Variants in KDM2B observed in about 807,000 individuals in gnomAD.
KDM2B encodes the protein lysine demethylase 2B.
Under a neutral mutation model 150.0 loss-of-function variants are expected in KDM2B, and 26 were observed. The ratio of observed to expected loss-of-function variants is 0.17; its 90% CI spans 0.13 to 0.24. KDM2B has a LOEUF of 0.24. Ranked by LOEUF, KDM2B falls within the 10% of genes least tolerant of loss-of-function variation. KDM2B has a pLI of 1.00. For missense variants in KDM2B, 1,265 were observed against 1,816.9 expected, an observed-to-expected ratio of 0.70 and a Z score of 5.52; for synonymous variants, 734 against 729.5, an observed-to-expected ratio of 1.01 and a Z score of -0.10.
chr12:121,502,271 G>A (rs1043210349), intron 11 of KDM2B, among the ~76,000 whole-genome samples: 1 of 152,174 alleles, frequency 6.6e-6, no homozygotes, highest in Admixed American at 6.6e-5. Flanking sequence ...TTCCTCAAGA[G>A]CATTCGGCTG....
intron 4 of KDM2B, among the ~76,000 whole-genome samples, chr12:121,563,743 A>T (rs983519654): frequency 2.0e-5 from 3 of 151,906 alleles, no homozygotes; most frequent in Non-Finnish European, 4.4e-5. Context: ...ACGTGGTGAA[A>T]CTCCGTCTCT....
At chr12:121,445,152 C>T in intron 14 of KDM2B, 123 bp downstream of exon 14, 1 of 1,191,854 alleles carries the variant, frequency 8.4e-7, no homozygotes, top group Non-Finnish European at 1.2e-6. Context: ...CACAGGATCA[C>T]CCAGACTCAG....
chr12:121,428,701 C>A (rs1312106725), downstream of KDM2B, among the ~76,000 whole-genome samples: 1 of 152,154 alleles, frequency 6.6e-6, no homozygotes, highest in Non-Finnish European at 1.5e-5. Flanking sequence ...AAAAAAAATT[C>A]CGTAATCTAA....
intron 11 of KDM2B, among the ~76,000 whole-genome samples, chr12:121,504,978 G>A (rs537178423): frequency 6.6e-5 from 10 of 152,124 alleles, no homozygotes; most frequent in African/African-American, 2.2e-4. Context: ...TTAGCTGGGC[G>A]TTGTGGCAGG....
the KDM2B span, chr12:121,420,873 G>T: frequency 1.1e-6 from 1 of 926,464 alleles, no homozygotes; most frequent in Non-Finnish European, 1.7e-6. Context: ...ATTTATTTTT[G>T]AGAAAGCTGT....
intron 11 of KDM2B, among the ~76,000 whole-genome samples, chr12:121,495,908 G>T (rs1352853314): frequency 4.0e-5 from 6 of 151,678 alleles, no homozygotes; most frequent in African/African-American, 1.2e-4. Context: ...CGGACTGCCA[G>T]GCTGCTTGGC....
At chr12:121,409,527 C>G in the KDM2B span, 1 of 152,192 alleles carries the variant, frequency 6.6e-6, no homozygotes, top group Non-Finnish European at 1.5e-5. Flanking sequence ...TTTGACTGAG[C>G]AGGTCTTAAG....
At chr12:121,569,976 AG>A (rs1890974071) in intron 4 of KDM2B, among the ~76,000 whole-genome samples, 1 of 151,692 alleles carries the variant, frequency 6.6e-6, no homozygotes, top group East Asian at 1.9e-4. Flanking sequence ...CAGCCTCCTG[AG>A]GAGCTGGGAC....
At chr12:121,450,330 GAAAAA>G (rs1328931569) in intron 13 of KDM2B, among the ~76,000 whole-genome samples, 1 of 149,622 alleles carries the variant, frequency 6.7e-6, no homozygotes, top group Non-Finnish European at 1.5e-5. Flanking sequence ...AAAAAAGAAA[GAAAAA>G]AAAGAAAAGA....
chr12:121,444,782 T>C, intron 14 of KDM2B: 1 of 564,946 alleles, frequency 1.8e-6, no homozygotes, highest in Non-Finnish European at 3.2e-6. Flanking sequence ...ACACTCCGTC[T>C]CTGTGGGCTG....
intron 12 of KDM2B, among the ~76,000 whole-genome samples, chr12:121,479,203 A>G (rs1293325438): frequency 6.6e-6 from 1 of 151,906 alleles, no homozygotes; most frequent in Non-Finnish European, 1.5e-5. Flanking sequence ...TAATCCCAGC[A>G]CTTTGGGAGG....
Position 121,430,466 on chromosome 12 carries a change from C to T in KDM2B, c.3833G>A (p.Cys1278Tyr). 3 of 1,612,522 alleles carry T rather than the reference C, an allele frequency of 1.9e-6. No individual in the cohort carries two copies. The highest frequency in any genetic ancestry group is 2.5e-6 in the Non-Finnish European group (3 of 1,178,588). The change falls in exon 23 of 23, where the codon TGC becomes TAC. Residue 1278 changes from cysteine to tyrosine, a missense_variant. This residue lies in a region of KDM2B where 251 missense variants were observed against 397.8 expected (regional missense o/e 0.63). Coordinates refer to ENST00000377071, the MANE Select transcript of KDM2B (RefSeq NM_032590.5). This position sits in a 1 kb window ranked among gnomAD's most constrained non-coding sequence, Gnocchi z 4.4. ...DSLTEINLSDCNKVTDQCLSF... is the reference protein window; with the variant it reads ...DSLTEINLSDYNKVTDQCLSF... ...CAGGCACTGATCAGTGACCTTATTG[C>T]AGTCTGCAGAGAAGAAATAGTAATG... is the stretch of plus-strand genomic sequence containing the variant.
intron 12 of KDM2B, among the ~76,000 whole-genome samples, chr12:121,487,668 G>A (rs977474330): frequency 1.1e-4 from 16 of 152,046 alleles, no homozygotes; most frequent in Non-Finnish European, 2.1e-4. Context: ...ACCCAGTAGA[G>A]AACCCCATGG....
intron 22 of KDM2B, among the ~76,000 whole-genome samples, chr12:121,435,151 T>C (rs1395788690): frequency 2.6e-5 from 4 of 151,486 alleles, no homozygotes; most frequent in African/African-American, 4.9e-5. Flanking sequence ...CTGGGCAACA[T>C]AGCGAGACCC....
chr12:121,484,526 C>T (rs993965083), intron 12 of KDM2B, among the ~76,000 whole-genome samples: 2 of 152,042 alleles, frequency 1.3e-5, no homozygotes, highest in Admixed American at 1.3e-4. Context: ...AGGCTTTTAA[C>T]GAAGATGGAG....
chr12:121,501,038 T>G (rs1593965321), intron 11 of KDM2B, among the ~76,000 whole-genome samples: 2 of 151,392 alleles, frequency 1.3e-5, no homozygotes, highest in South Asian at 4.2e-4. Context: ...GAGGCGGGGG[T>G]TGTGGTGAGG....
chr12:121,499,110 A>T (rs917922674), intron 11 of KDM2B, among the ~76,000 whole-genome samples: 30 of 131,068 alleles, frequency 2.3e-4, no homozygotes, highest in African/African-American at 7.4e-4. Context: ...CAGTCAATAA[A>T]TTTTTTTTTT....
At chr12:121,494,075 C>A (rs1029516298) in intron 12 of KDM2B, 2 of 154,200 alleles carry the variant, frequency 1.3e-5, no homozygotes, top group Admixed American at 1.3e-4. Flanking sequence ...CCAGGCTGGT[C>A]TCGAACTCCT....
At chr12:121,420,295 TGAG>T in the KDM2B span, 2 of 1,588,384 alleles carry the variant, frequency 1.3e-6, no homozygotes, top group Admixed American at 1.8e-5. Flanking sequence ...ACGACGATGA[TGAG>T]GATGATGATG....
Sources: gnomAD v4.1 joint callset for allele counts (sites outside exome capture counted in the v4.1 genomes callset) on GRCh38, gnomAD v4.1.1 for gene constraint, gnomAD v4.1.1 regional missense constraint, Gnocchi (gnomAD v3.1) non-coding constraint, MANE v1.5 for transcripts, NCBI Gene and HGNC (gene_info 2026-07-23, HGNC 2026-07-21) for gene names.